Variants in RSU1 observed in about 807,000 individuals in gnomAD.
RSU1 encodes rsu-1.
In RSU1, 26 loss-of-function variants were observed where a neutral mutation model predicts 31.1. That is an observed-to-expected ratio of 0.84 (90% CI 0.61 to 1.16). RSU1 has a LOEUF of 1.16. Among genes scored for constraint, RSU1 ranks in the 50% most tolerant of loss-of-function variants. RSU1 has a pLI of 0.00. For synonymous variants in RSU1, 164 were observed against 136.3 expected, an observed-to-expected ratio of 1.20 and a Z score of -1.41; for missense variants, 320 against 339.1, an observed-to-expected ratio of 0.94 and a Z score of 0.44.
intron 8 of RSU1, among the ~76,000 whole-genome samples, chr10:16,647,744 T>G (rs1174334385): frequency 6.6e-6 from 1 of 152,126 alleles, no homozygotes; most frequent in Non-Finnish European, 1.5e-5. Context: ...TAATTGACTG[T>G]AGGGATGAAT....
chr10:16,679,495 G>C (rs1416711961), intron 8 of RSU1, among the ~76,000 whole-genome samples: 1 of 152,116 alleles, frequency 6.6e-6, no homozygotes, highest in Admixed American at 6.5e-5. Flanking sequence ...GATAAAAGGA[G>C]CTTAGAGTTG....
chr10:16,738,283 A>G (rs950173242), intron 7 of RSU1, among the ~76,000 whole-genome samples: 12 of 149,218 alleles, frequency 8.0e-5, no homozygotes, highest in Middle Eastern at 3.4e-3. Flanking sequence ...CGTCTCTACT[A>G]AAAAAAAAAT....
intron 3 of RSU1, among the ~76,000 whole-genome samples, chr10:16,768,411 A>T (rs2131635058): frequency 6.6e-6 from 1 of 152,312 alleles, no homozygotes; most frequent in Non-Finnish European, 1.5e-5. Context: ...TCTGACAGAG[A>T]ATTGAGTATC....
intron 2 of RSU1, among the ~76,000 whole-genome samples, chr10:16,801,351 T>G (rs1838152251): frequency 6.6e-6 from 1 of 152,144 alleles, no homozygotes; most frequent in Admixed American, 6.5e-5. Context: ...CAGCAATCCT[T>G]AATGTGAATG....
At chr10:16,692,275 C>A (rs1225030479) in intron 8 of RSU1, among the ~76,000 whole-genome samples, 2 of 152,148 alleles carry the variant, frequency 1.3e-5, no homozygotes, top group Non-Finnish European at 2.9e-5. Context: ...TTAAAATAGT[C>A]TGTAACAGTG....
rs181388054 is a variant in RSU1, at chr10:16,727,132, G to A, written c.598+25407C>T. 35 of 456,558 alleles carry A rather than the reference G, an allele frequency of 7.7e-5. No individual in the cohort carries two copies. In the East Asian group the frequency reaches 2.3e-3, roughly 30 times the overall value. 28.3% of individuals were successfully genotyped at this position (456,558 alleles called of 1,614,324 possible). On this transcript the variant is annotated intron_variant, in intron 7 of 8. Coordinates refer to ENST00000345264, the MANE Select transcript of RSU1 (RefSeq NM_012425.4). Reference sequence around the variant, plus strand: ...TTTTGCCAAGATGCCTACCACAAGGGAACAGGATGTGGCCTCCCATCTTAC... The same window carrying A: ...TTTTGCCAAGATGCCTACCACAAGGAAACAGGATGTGGCCTCCCATCTTAC...
intron 7 of RSU1, among the ~76,000 whole-genome samples, chr10:16,709,501 G>A (rs1467108342): frequency 6.6e-6 from 1 of 152,158 alleles, no homozygotes; most frequent in Non-Finnish European, 1.5e-5. Context: ...AGTCCTTTGG[G>A]TATATACCCA....
intron 7 of RSU1, among the ~76,000 whole-genome samples, chr10:16,750,416 T>C (rs1326614458): frequency 1.3e-5 from 2 of 152,134 alleles, no homozygotes; most frequent in Non-Finnish European, 2.9e-5. Context: ...TGAATAAAAA[T>C]ATACATGATT....
intron 7 of RSU1, among the ~76,000 whole-genome samples, chr10:16,747,383 A>T (rs1210808615): frequency 1.3e-5 from 2 of 152,008 alleles, no homozygotes; most frequent in African/African-American, 4.8e-5. Context: ...AGGCATCTCA[A>T]ATTTAAGATA....
intron 7 of RSU1, among the ~76,000 whole-genome samples, chr10:16,713,834 T>C (rs773974830): frequency 7.2e-5 from 11 of 152,172 alleles, no homozygotes; most frequent in Non-Finnish European, 1.3e-4. Flanking sequence ...GTAACTTTCA[T>C]TAGGAGATAA....
intron 2 of RSU1, among the ~76,000 whole-genome samples, chr10:16,799,065 T>C (rs951269855): frequency 4.6e-5 from 7 of 152,062 alleles, no homozygotes; most frequent in African/African-American, 1.7e-4. Context: ...CTAATGCGCA[T>C]AAAAGATAGG....
chr10:16,799,848 G>T (rs932444445), intron 2 of RSU1, among the ~76,000 whole-genome samples: 1 of 152,128 alleles, frequency 6.6e-6, no homozygotes, highest in East Asian at 1.9e-4. Flanking sequence ...GGCGGGGAGG[G>T]GATGCGGGGA....
intron 8 of RSU1, among the ~76,000 whole-genome samples, chr10:16,596,474 A>G (rs1833615498): frequency 6.6e-6 from 1 of 152,176 alleles, no homozygotes; most frequent in Non-Finnish European, 1.5e-5. Flanking sequence ...CTCAATGCTC[A>G]AGGGCTTAGC....
intron 8 of RSU1, among the ~76,000 whole-genome samples, chr10:16,625,817 T>C (rs891123281): frequency 6.6e-6 from 1 of 152,206 alleles, no homozygotes; most frequent in Non-Finnish European, 1.5e-5. Context: ...GGTTGGGCTT[T>C]GAAGTCAACA....
intron 2 of RSU1, among the ~76,000 whole-genome samples, chr10:16,792,259 CAG>C (rs1837936511): frequency 6.6e-6 from 1 of 152,172 alleles, no homozygotes; most frequent in Non-Finnish European, 1.5e-5. Flanking sequence ...TGTTTTGAAA[CAG>C]AGTCTCACTG....
chr10:16,774,970 G>C (rs1191039201), intron 3 of RSU1, among the ~76,000 whole-genome samples: 1 of 151,974 alleles, frequency 6.6e-6, no homozygotes, highest in African/African-American at 2.4e-5. Context: ...CTTGAGCCCA[G>C]GAGTTTCAGG....
chr10:16,792,627 C>T (rs1439993596), intron 2 of RSU1, among the ~76,000 whole-genome samples: 2 of 152,234 alleles, frequency 1.3e-5, no homozygotes, highest in African/African-American at 4.8e-5. Flanking sequence ...TGTTTTAGCA[C>T]TGCAGGCTGC....
At chr10:16,776,770 C>T (rs1159639192) in intron 3 of RSU1, among the ~76,000 whole-genome samples, 3 of 146,708 alleles carry the variant, frequency 2.0e-5, no homozygotes, top group Admixed American at 6.8e-5. Context: ...CACAAAATGA[C>T]GAATGTCTAA....
chr10:16,618,970 G>C (rs1484996389), intron 8 of RSU1, among the ~76,000 whole-genome samples: 1 of 152,140 alleles, frequency 6.6e-6, no homozygotes, highest in Non-Finnish European at 1.5e-5. Context: ...TTCTGCACGT[G>C]TATCCCAGAA....
Sources: gnomAD v4.1 joint callset for allele counts (sites outside exome capture counted in the v4.1 genomes callset) on GRCh38, gnomAD v4.1.1 for gene constraint, MANE v1.5 for transcripts, NCBI Gene and HGNC (gene_info 2026-07-23, HGNC 2026-07-21) for gene names.